Variants in ZNF644 observed in about 807,000 individuals in gnomAD.
ZNF644 encodes zinc finger motif enhancer binding protein 2.
A neutral mutation model predicts 108.0 loss-of-function variants in ZNF644; 20 were observed. That is an observed-to-expected ratio of 0.19 (90% CI 0.13 to 0.27). The LOEUF (loss-of-function observed/expected upper bound fraction) is 0.27. Ranked by LOEUF, ZNF644 falls within the 10% of genes least tolerant of loss-of-function variation. The probability of loss-of-function intolerance (pLI) is 1.00; values close to 1 mark genes in which losing one functional copy is unlikely to be tolerated. For synonymous variants in ZNF644, 542 were observed against 539.1 expected (o/e 1.01, Z -0.08); for missense variants, 1,338 against 1,548.9 (o/e 0.86, Z 2.29).
At chr1:90,945,912 A>G (rs1652467067) in intron 2 of ZNF644, among the ~76,000 whole-genome samples, 1 of 152,110 alleles carries the variant, frequency 6.6e-6, no homozygotes. Flanking sequence ...CTCATTGTAT[A>G]TTAGTTCATT....
intron 2 of ZNF644, among the ~76,000 whole-genome samples, chr1:90,975,408 A>T (rs1655889886): frequency 6.6e-6 from 1 of 151,882 alleles, no homozygotes; most frequent in Non-Finnish European, 1.5e-5. Context: ...CAGCCTAGTT[A>T]GAAGACCCTA....
At chr1:90,947,312 C>T (rs1292394633) in intron 2 of ZNF644, among the ~76,000 whole-genome samples, 1 of 152,064 alleles carries the variant, frequency 6.6e-6, no homozygotes, top group East Asian at 1.9e-4. Context: ...CATATATGCA[C>T]GTGGCTCCAA....
At chr1:91,019,321 T>C (rs1195774262) in intron 1 of ZNF644, among the ~76,000 whole-genome samples, 1 of 152,230 alleles carries the variant, frequency 6.6e-6, no homozygotes, top group African/African-American at 2.4e-5. Flanking sequence ...ATTTTCAGCA[T>C]TGATCTCATT....
chr1:90,983,481 C>CAAAAAA (rs768476839), intron 1 of ZNF644, among the ~76,000 whole-genome samples: 10 of 63,394 alleles, frequency 1.6e-4, no homozygotes, highest in Non-Finnish European at 2.8e-4. Flanking sequence ...CCTCATATGG[C>CAAAAAA]AAAAAAAAAA....
intron 2 of ZNF644, among the ~76,000 whole-genome samples, chr1:90,945,182 A>T (rs1372653115): frequency 3.9e-5 from 6 of 152,084 alleles, no homozygotes. Context: ...ATTAAGATAA[A>T]TAAACTGATG....
intron 1 of ZNF644, 123 bp from the exon 2 acceptor site, chr1:90,982,493 CAT>C: frequency 1.5e-6 from 1 of 677,290 alleles, no homozygotes; most frequent in Non-Finnish European, 2.5e-6. Flanking sequence ...CTTGATATAA[CAT>C]AAAAAAACCA....
chr1:90,926,340 T>G (rs1014250058), intron 4 of ZNF644, among the ~76,000 whole-genome samples: 1 of 152,146 alleles, frequency 6.6e-6, no homozygotes, highest in Non-Finnish European at 1.5e-5. Flanking sequence ...CACCCCCTCA[T>G]GAATATTCAT....
intron 4 of ZNF644, among the ~76,000 whole-genome samples, chr1:90,930,171 A>G (rs1650569994): frequency 6.6e-6 from 1 of 152,186 alleles, no homozygotes; most frequent in Non-Finnish European, 1.5e-5. Flanking sequence ...CTGTAATCCC[A>G]GCTACTCAGG....
Position 90,941,225 on chromosome 1 carries a change from T to C in ZNF644, c.129A>G (p.Leu43=), listed in dbSNP as rs1320470918. 6.2e-7 allele frequency: 1 copy of C among 1,604,484 alleles called. No homozygotes were observed. Among genetic ancestry groups the C allele is most frequent in the Non-Finnish European group, 8.5e-7 (1 of 1,177,172 alleles). ...TDITGAKEEL[L]DDNNFISDKE... ...TGTCTGAGATAAAATTGTTGTCATC[T>C]AGGAGTTCTTCTTTAGCACCAGTAA... The change falls in exon 3 of 6, where the codon CTA becomes CTG. Residue 43 remains leucine, a synonymous_variant. Coordinates refer to ENST00000337393, the MANE Select transcript of ZNF644 (RefSeq NM_201269.3).
rs1209270473 is a variant in ZNF644 at position 90,939,536 on chromosome 1, C to T, written c.1818G>A (p.Glu606=). Residue 606 remains glutamate (E), a synonymous_variant, in exon 3 of 6, where the codon GAG becomes GAA. Coordinates refer to ENST00000337393, the MANE Select transcript of ZNF644 (RefSeq NM_201269.3). Reference sequence around the variant, plus strand: ...CAACACATGATGATGAATGCAAGTACTCCGTGTGCTTTTTTAAAACACTTT... The same window carrying T: ...CAACACATGATGATGAATGCAAGTATTCCGTGTGCTTTTTTAAAACACTTT... ...SAKSVLKKHT[E]YLHSSSCVDS... The T allele has an allele frequency of 1.2e-6, 2 of 1,613,976 alleles. No individual in the cohort carries two copies. Among genetic ancestry groups the T allele is most frequent in the Non-Finnish European group, 1.7e-6 (2 of 1,179,918 alleles).
intron 4 of ZNF644, among the ~76,000 whole-genome samples, chr1:90,929,391 T>G (rs1411857974): frequency 6.6e-6 from 1 of 152,200 alleles, no homozygotes; most frequent in African/African-American, 2.4e-5. Context: ...TCACATACCC[T>G]CCTCAGCCCA....
chr1:91,007,234 T>G (rs924437968), intron 1 of ZNF644, among the ~76,000 whole-genome samples: 10 of 134,346 alleles, frequency 7.4e-5, no homozygotes, highest in Non-Finnish European at 1.1e-4. Flanking sequence ...TGTTTTTTTT[T>G]TTTTTTTTTT....
chr1:90,973,714 T>C (rs965614447), intron 2 of ZNF644, among the ~76,000 whole-genome samples: 9 of 152,082 alleles, frequency 5.9e-5, no homozygotes, highest in African/African-American at 2.2e-4. Context: ...GTTTAAAAAA[T>C]AGAAGAGCCC....
chr1:90,938,785 C>A lies in ZNF644; in HGVS notation c.2569G>T (p.Asp857Tyr). ...TCAACATTATCCCAGGAACTTTCAT[C>A]TTCTGTTTCATAACTATCTTTCTTT... is the stretch of plus-strand genomic sequence containing the variant. ...AEKKDSYETE[D>Y]ESSWDNVELG... The change falls in exon 3 of 6, where the codon GAT becomes TAT. Residue 857 changes from aspartate (D) to tyrosine (Y), a missense_variant. Asp to Tyr is a radical substitution (Grantham distance 160, BLOSUM62 -3). This residue lies in a region of ZNF644 where 462 missense variants were observed against 472.6 expected (regional missense o/e 0.98). Transcript: ENST00000337393. This position sits in a 1 kb window ranked among gnomAD's most constrained non-coding sequence, Gnocchi z 4.2. 1.2e-6 allele frequency: 2 copies of A among 1,613,804 alleles called. No homozygotes were observed. Among genetic ancestry groups the A allele is most frequent in the South Asian group, 1.1e-5 (1 of 91,072 alleles).
chr1:90,921,983 A>C (rs1649495506), intron 4 of ZNF644, among the ~76,000 whole-genome samples: 1 of 152,202 alleles, frequency 6.6e-6, no homozygotes, highest in Non-Finnish European at 1.5e-5. Context: ...GCCATTATTT[A>C]GTTTTATACA....
Position 90,918,062 on chromosome 1 carries a change from G to T in ZNF644, c.3781C>A (p.Leu1261Ile). The T allele has an allele frequency of 1.2e-6, 2 of 1,613,788 alleles. No homozygotes were observed. The highest frequency in any genetic ancestry group is 1.7e-6 in the Non-Finnish European group (2 of 1,179,734). Residue 1261 changes from leucine (L) to isoleucine (I), a missense_variant, in exon 5 of 6, where the codon CTC becomes ATC. Transcript: ENST00000337393. The stretch of plus-strand genomic sequence containing the variant: ...AATATAGGCATATACCTGCATCGGA[G>T]AATGTAAACCTCGTCAGCACCATGA... ...LPHGADEVYI[L>I]RCRFCGLVFR...
chr1:90,919,298 C>T (rs190849468), intron 4 of ZNF644, among the ~76,000 whole-genome samples: 54 of 152,184 alleles, frequency 3.5e-4, no homozygotes, highest in African/African-American at 1.3e-3. Flanking sequence ...AATGGCTTTT[C>T]TTCCATTATC....
At chr1:91,014,668 A>T (rs1660275090) in intron 1 of ZNF644, among the ~76,000 whole-genome samples, 1 of 152,146 alleles carries the variant, frequency 6.6e-6, no homozygotes, top group Non-Finnish European at 1.5e-5. Flanking sequence ...TCATTGTACC[A>T]ATGTCCAGCA....
At chr1:91,019,096 ACT>A (rs768301450) in intron 1 of ZNF644, among the ~76,000 whole-genome samples, 7 of 152,238 alleles carry the variant, frequency 4.6e-5, no homozygotes, top group Non-Finnish European at 1.0e-4. Flanking sequence ...AAACAATTTA[ACT>A]TTTTGCTAAA....
Sources: gnomAD v4.1 joint callset for allele counts (sites outside exome capture counted in the v4.1 genomes callset) on GRCh38, gnomAD v4.1.1 for gene constraint, gnomAD v4.1.1 regional missense constraint, Gnocchi (gnomAD v3.1) non-coding constraint, MANE v1.5 for transcripts, NCBI Gene and HGNC (gene_info 2026-07-23, HGNC 2026-07-21) for gene names.